TANK: variants seen among roughly 807,000 people sequenced by gnomAD.
TANK encodes the protein TRAF family member-associated NF-kappa-B activator.
A neutral mutation model predicts 43.6 loss-of-function variants in TANK; 15 were observed. The observed-to-expected ratio is 0.34, with a 90% CI of 0.23 to 0.53. The LOEUF (loss-of-function observed/expected upper bound fraction) is 0.53. TANK is among the 20% of genes least tolerant of loss of function. The pLI is 0.94. For missense variants in TANK, 417 were observed against 498.6 expected (o/e 0.84, Z 1.56); for synonymous variants, 162 against 178.2 (o/e 0.91, Z 0.73).
At chr2:161,165,085 T>C (rs1684617045) in intron 1 of TANK, among the ~76,000 whole-genome samples, 1 of 137,770 alleles carries the variant, frequency 7.3e-6, no homozygotes, top group South Asian at 2.2e-4. Flanking sequence ...CTACTGAAAA[T>C]AGGTTGCTAA....
intron 1 of TANK, among the ~76,000 whole-genome samples, chr2:161,177,685 TATTAAA>T: frequency 6.6e-6 from 1 of 152,212 alleles, no homozygotes; most frequent in East Asian, 1.9e-4. Context: ...AATTGGACTG[TATTAAA>T]ATTAAAGACA....
At position 161,202,068 on chromosome 2, in the gene TANK, A is replaced by C. The variant is rs184740583; in HGVS notation, c.100-1419A>C. On this transcript the variant is annotated intron_variant, in intron 2 of 7. Transcript: ENST00000392749. ...AAGACTGCCTTTAGGCAATGTGCAA[A>C]GACAATGTACCACATGGGTTGCTTA... 1.9e-3 allele frequency among the ~76,000 whole-genome samples: 290 copies of C among 152,310 alleles called. 1 individual carries two copies. The highest frequency in any genetic ancestry group is 1.7e-3 in the Non-Finnish European group (117 of 68,022).
intron 1 of TANK, chr2:161,163,517 A>C (rs1684536745): frequency 6.6e-6 from 1 of 152,164 alleles, no homozygotes; most frequent in Non-Finnish European, 1.5e-5. Context: ...CAGTTATGTT[A>C]CAGAAGCAAG....
At chr2:161,197,361 C>T (rs548801643) in intron 2 of TANK, 2 of 152,212 alleles carry the variant, frequency 1.3e-5, no homozygotes, top group Admixed American at 1.3e-4. Context: ...AATGGAGATA[C>T]CATACTGATT....
intron 2 of TANK, among the ~76,000 whole-genome samples, chr2:161,185,446 GATAA>G (rs915296416): frequency 2.4e-4 from 36 of 151,844 alleles, no homozygotes; most frequent in African/African-American, 8.0e-4. Context: ...CTGTGCAGAA[GATAA>G]ATAGAGTGAT....
At chr2:161,143,023 G>A (rs1005734985) in intron 1 of TANK, among the ~76,000 whole-genome samples, 4 of 151,982 alleles carry the variant, frequency 2.6e-5, no homozygotes, top group Non-Finnish European at 4.4e-5. Flanking sequence ...ATAGTTCTCT[G>A]AAGAGGTCCT....
intron 1 of TANK, among the ~76,000 whole-genome samples, chr2:161,171,378 G>C (rs1329076665): frequency 6.6e-6 from 1 of 152,168 alleles, no homozygotes; most frequent in Non-Finnish European, 1.5e-5. Flanking sequence ...GGAAATCTCT[G>C]AAACCTTATT....
chr2:161,182,677 G>C (rs1449085581), intron 2 of TANK, among the ~76,000 whole-genome samples: 1 of 152,094 alleles, frequency 6.6e-6, no homozygotes, highest in Non-Finnish European at 1.5e-5. Flanking sequence ...CCTGAACCCT[G>C]TCCTTTGGGG....
intron 1 of TANK, among the ~76,000 whole-genome samples, chr2:161,149,921 A>G (rs1440721850): frequency 6.6e-6 from 1 of 152,176 alleles, no homozygotes; most frequent in Non-Finnish European, 1.5e-5. Flanking sequence ...ATCTATATTC[A>G]CAAGGAATAT....
At chr2:161,186,568 G>A (rs1160358103) in intron 2 of TANK, among the ~76,000 whole-genome samples, 1 of 152,124 alleles carries the variant, frequency 6.6e-6, no homozygotes, top group African/African-American at 2.4e-5. Context: ...TTATATATAA[G>A]ACCTGAAACT....
intron 7 of TANK, chr2:161,232,823 A>G (rs753300724): frequency 6.0e-5 from 93 of 1,550,552 alleles, no homozygotes; most frequent in Non-Finnish European, 7.6e-5. Context: ...TGTGATTACA[A>G]CTTGATGGAA....
intron 2 of TANK, 172 bp downstream of exon 2, chr2:161,179,933 T>TA: frequency 7.8e-7 from 1 of 1,280,222 alleles, no homozygotes; most frequent in Non-Finnish European, 9.9e-7. Context: ...TTGTTTTTTT[T>TA]AAAAATATTG....
chr2:161,146,535 T>C (rs1377059096), intron 1 of TANK, among the ~76,000 whole-genome samples: 4 of 152,152 alleles, frequency 2.6e-5, no homozygotes, highest in African/African-American at 9.7e-5. Flanking sequence ...TTGTTGTTGC[T>C]GTCTGTTTGT....
rs535628733 is a variant in TANK, at chr2:161,205,141, A to G, written c.327+348A>G. Among the ~76,000 whole-genome samples the G allele has an allele frequency of 3.6e-3, 544 of 152,234 alleles. 9 individuals carry two copies. The highest frequency in any genetic ancestry group is 0.02 in the South Asian group (95 of 4,828). ...GCAGTTTGAGACCAGCCTGGGCAAC[A>G]TAGGGGGATCCCTATCTCTATAAAA... On this transcript the variant is annotated intron_variant, in intron 4 of 7. Transcript: ENST00000392749.
At chr2:161,164,579 G>T (rs941906965) in intron 1 of TANK, among the ~76,000 whole-genome samples, 3 of 152,172 alleles carry the variant, frequency 2.0e-5, no homozygotes, top group Non-Finnish European at 4.4e-5. Context: ...AATTTTCAAA[G>T]TCTTTTGAAC....
chr2:161,160,675 T>C, intron 1 of TANK, 189 bp downstream of exon 1: 2 of 451,822 alleles, frequency 4.4e-6, no homozygotes, highest in Non-Finnish European at 7.9e-6. Flanking sequence ...CGCGAGTCCT[T>C]CCCCCGGAGC....
intron 2 of TANK, among the ~76,000 whole-genome samples, chr2:161,191,695 T>C (rs1459399802): frequency 6.6e-6 from 1 of 152,226 alleles, no homozygotes; most frequent in Non-Finnish European, 1.5e-5. Flanking sequence ...ATAACTTCTC[T>C]GCCAAAAATT....
At chr2:161,145,961 A>G (rs1408263336) in intron 1 of TANK, among the ~76,000 whole-genome samples, 1 of 152,116 alleles carries the variant, frequency 6.6e-6, no homozygotes, top group Non-Finnish European at 1.5e-5. Context: ...AGGTACTCCA[A>G]TCAATCGTAG....
intron 4 of TANK, among the ~76,000 whole-genome samples, chr2:161,215,956 T>C (rs1006396984): frequency 1.3e-5 from 2 of 152,182 alleles, no homozygotes; most frequent in Non-Finnish European, 2.9e-5. Context: ...TGTATAGCAG[T>C]TTCCACACAT....
Sources: gnomAD v4.1 joint callset for allele counts (sites outside exome capture counted in the v4.1 genomes callset) on GRCh38, gnomAD v4.1.1 for gene constraint, MANE v1.5 for transcripts, NCBI Gene and HGNC (gene_info 2026-07-23, HGNC 2026-07-21) for gene names.